The following FKBP5 variants were observed in gnomAD, a reference collection of about 807,000 sequenced individuals.
FKBP5 encodes the protein peptidyl-prolyl cis-trans isomerase FKBP5.
In FKBP5, 23 loss-of-function variants were observed where a neutral mutation model predicts 50.5. The observed-to-expected ratio is 0.46, with a 90% CI of 0.33 to 0.65. The LOEUF (loss-of-function observed/expected upper bound fraction) is 0.65. Ranked by LOEUF, FKBP5 falls within the 30% of genes least tolerant of loss-of-function variation. The pLI is 0.02. For synonymous variants in FKBP5, 176 were observed against 190.6 expected, an observed-to-expected ratio of 0.92 and a Z score of 0.63; for missense variants, 411 against 553.1, an observed-to-expected ratio of 0.74 and a Z score of 2.58.
At chr6:35,654,388 T>C (rs973989424) in intron 1 of FKBP5, among the ~76,000 whole-genome samples, 2 of 152,154 alleles carry the variant, frequency 1.3e-5, no homozygotes, top group African/African-American at 4.8e-5. Flanking sequence ...GGCAGCATAA[T>C]TGAATAATTA....
Position 35,575,889 on chromosome 6 carries a change from T to C in FKBP5, c.1320A>G (p.Glu440=), listed in dbSNP as rs1474622073. The C allele has an allele frequency of 1.9e-6, 3 of 1,614,132 alleles. No individual in the cohort carries two copies. Among genetic ancestry groups the C allele is most frequent in the East Asian group, 4.5e-5 (2 of 44,878 alleles). The change falls in exon 11 of 11, where the codon GAA becomes GAG. Residue 440 remains glutamate (E), a synonymous_variant. Coordinates refer to ENST00000357266, the MANE Select transcript of FKBP5 (RefSeq NM_004117.4). ...CCATTGCTTGACTGTCTGTTCCTTT[T>C]TCATTAGTGACCCCTTCTGAAGTCT... The part of the protein sequence containing the change: ...GKKTSEGVTN[E]KGTDSQAMEE...
intron 2 of FKBP5, among the ~76,000 whole-genome samples, chr6:35,638,325 T>C (rs1764375224): frequency 6.6e-6 from 1 of 152,240 alleles, no homozygotes; most frequent in Admixed American, 6.5e-5. Context: ...CTAAATTCTT[T>C]TTTTACAAGT....
intron 6 of FKBP5, among the ~76,000 whole-genome samples, chr6:35,593,034 A>T (rs2150961715): frequency 1.3e-5 from 2 of 152,346 alleles, no homozygotes; most frequent in South Asian, 4.1e-4. Context: ...TCCCAGGTTA[A>T]AATGAAGCGA....
rs1201642420 is a variant in FKBP5 at position 35,574,282 on chromosome 6, CTT to C, written c.*1551_*1552del. 6.6e-6 allele frequency: 1 copy of C among 152,126 alleles called. No individual in the cohort carries two copies. The highest frequency in any genetic ancestry group is 1.5e-5 in the Non-Finnish European group (1 of 68,010). The allele number at this position is 152,126 out of a possible 1,614,324, so 9.4% of individuals were successfully genotyped here. A position where few individuals can be genotyped will look rare whatever the true frequency, so the allele number is the denominator to read the frequency against. On this transcript the variant is annotated 3_prime_UTR_variant, in exon 11 of 11. Coordinates refer to ENST00000357266, the MANE Select transcript of FKBP5 (RefSeq NM_004117.4). ...GGGGTCCCAATCTAATAATAAAAGTCTTTTGATAAAACCATCATAAAAATAAA... is the reference window on the plus strand; with the variant it reads ...GGGGTCCCAATCTAATAATAAAAGTCTTGATAAAACCATCATAAAAATAAA...
At position 35,615,952 on chromosome 6, in the gene FKBP5, C is replaced by T. The variant is rs116800806; in HGVS notation, c.508+3144G>A. On this transcript the variant is annotated intron_variant, in intron 5 of 10. Coordinates refer to ENST00000357266, the MANE Select transcript of FKBP5 (RefSeq NM_004117.4). ...GTGGTATTTTCAAAAAATGCATAACCTCAATCTAAAAACATCCCAGAAACC... is the reference window on the plus strand; with the variant it reads ...GTGGTATTTTCAAAAAATGCATAACTTCAATCTAAAAACATCCCAGAAACC... 4.2e-3 allele frequency among the ~76,000 whole-genome samples: 638 copies of T among 152,228 alleles called. 4 individuals carry two copies. The highest frequency in any genetic ancestry group is 0.014 in the African/African-American group (588 of 41,526).
chr6:35,631,122 C>T (rs1020592648), intron 3 of FKBP5, among the ~76,000 whole-genome samples: 1 of 152,160 alleles, frequency 6.6e-6, no homozygotes, highest in Non-Finnish European at 1.5e-5. Context: ...TTCATACTTA[C>T]TAGAATGGCT....
intron 7 of FKBP5, among the ~76,000 whole-genome samples, chr6:35,589,058 ATGTGTG>A (rs1272435200): frequency 7.0e-6 from 1 of 143,388 alleles, no homozygotes; most frequent in Non-Finnish European, 1.5e-5. Context: ...ATGTGTGTGT[ATGTGTG>A]TGTGTGTATA....
intron 10 of FKBP5, 114 bp from the exon 11 acceptor site, chr6:35,576,056 T>C: frequency 1.3e-6 from 1 of 772,112 alleles, no homozygotes; most frequent in Non-Finnish European, 2.3e-6. Context: ...TGATTTTCTC[T>C]AGGATATCTA....
intron 5 of FKBP5, among the ~76,000 whole-genome samples, chr6:35,604,553 T>C (rs577990503): frequency 2.8e-4 from 42 of 151,864 alleles, no homozygotes; most frequent in Middle Eastern, 6.8e-3. Flanking sequence ...AAAACAAAAA[T>C]GTAAAGTCTC....
intron 8 of FKBP5, chr6:35,586,102 A>T (rs1017211322): frequency 8.1e-6 from 8 of 984,804 alleles, no homozygotes; most frequent in Non-Finnish European, 9.6e-6. Flanking sequence ...CAGAACTCCC[A>T]TTCTCCCTCT....
chr6:35,681,394 T>C (rs547435210), intron 1 of FKBP5, among the ~76,000 whole-genome samples: 6 of 152,356 alleles, frequency 3.9e-5, no homozygotes, highest in South Asian at 4.1e-4. Context: ...ATTTCCATCA[T>C]GCCAGAAAGT....
At position 35,579,641 on chromosome 6, in the gene FKBP5, T is replaced by C. The variant is rs559881689; in HGVS notation, c.1026+395A>G. On this transcript the variant is annotated intron_variant, in intron 9 of 10. Transcript: ENST00000357266. ...TATAATAAAAATTGACCTATATATA[T>C]GCTTTATATGAACAGTTGCAGTCTG... is the stretch of plus-strand genomic sequence containing the variant. Among the ~76,000 whole-genome samples, 3 of 152,334 alleles carry C rather than the reference T, an allele frequency of 2.0e-5. No homozygotes were observed. In the South Asian group the frequency reaches 6.2e-4, roughly 32 times the overall value.
chr6:35,633,571 A>C (rs4713901), intron 3 of FKBP5, among the ~76,000 whole-genome samples: 1,754 of 151,192 alleles, frequency 0.012, 38 homozygotes, highest in East Asian at 0.044. Flanking sequence ...GAAAAAAAAA[A>C]CCCCACAAAA....
intron 8 of FKBP5, chr6:35,584,718 G>T (rs1762548365): frequency 1.0e-6 from 1 of 985,308 alleles, no homozygotes; most frequent in Non-Finnish European, 1.2e-6. Context: ...AAAAGTCTCA[G>T]GTCAGTGGTT....
At chr6:35,721,520 C>T (rs1766610586) in intron 1 of FKBP5, among the ~76,000 whole-genome samples, 1 of 151,876 alleles carries the variant, frequency 6.6e-6, no homozygotes. Flanking sequence ...CAATGGCATG[C>T]TTTCGGCTCA....
chr6:35,633,694 A>G (rs1000878689), intron 3 of FKBP5, among the ~76,000 whole-genome samples: 5 of 152,156 alleles, frequency 3.3e-5, no homozygotes, highest in African/African-American at 1.2e-4. Flanking sequence ...TTACCATCTT[A>G]AGGAGGCCTC....
intron 3 of FKBP5, among the ~76,000 whole-genome samples, chr6:35,632,895 GAAA>G (rs998925352): frequency 1.1e-5 from 1 of 94,190 alleles, no homozygotes; most frequent in African/African-American, 3.9e-5. Flanking sequence ...GTCTCAGAAA[GAAA>G]AAAAAAAAAA....
chr6:35,724,144 T>TA (rs1432892814), intron 1 of FKBP5, among the ~76,000 whole-genome samples: 1 of 152,196 alleles, frequency 6.6e-6, no homozygotes, highest in African/African-American at 2.4e-5. Context: ...AAACGGGTCC[T>TA]AAGAGAGGCC....
chr6:35,697,564 A>AT (rs56038325), intron 2 of FKBP5, among the ~76,000 whole-genome samples: 1 of 151,640 alleles, frequency 6.6e-6, no homozygotes, highest in Non-Finnish European at 1.5e-5. Context: ...AAAAAAAAAA[A>AT]GAATGAAGTA....
Sources: allele counts gnomAD v4.1 joint callset (sites outside exome capture counted in the v4.1 genomes callset), GRCh38; gene constraint gnomAD v4.1.1; transcripts MANE v1.5; gene names NCBI Gene and HGNC (gene_info 2026-07-23, HGNC 2026-07-21).